ZNF670: variants seen among roughly 807,000 people sequenced by gnomAD.
ZNF670 encodes the protein zinc finger protein 670.
ZNF670 carries 7 observed loss-of-function variants against 10.9 expected under a neutral mutation model. That is an observed-to-expected ratio of 0.64 (90% CI 0.36 to 1.20). The LOEUF (loss-of-function observed/expected upper bound fraction) is 1.20, where lower values mean the gene tolerates loss of function less well. Among genes scored for constraint, ZNF670 ranks in the 50% most tolerant of loss-of-function variants. The pLI, the probability that ZNF670 is intolerant of heterozygous loss-of-function variation, is 0.02. For missense variants in ZNF670, 446 were observed against 458.6 expected (o/e 0.97, Z 0.25); for synonymous variants, 136 against 152.7 (o/e 0.89, Z 0.81).
chr1:247,056,131 AT>A (rs1438176966), intron 1 of ZNF670, among the ~76,000 whole-genome samples: 1 of 149,020 alleles, frequency 6.7e-6, no homozygotes. Flanking sequence ...AAAAAAAAAA[AT>A]CAATAATGAA....
intron 1 of ZNF670, among the ~76,000 whole-genome samples, chr1:247,060,804 G>A (rs1417436717): frequency 6.6e-6 from 1 of 152,092 alleles, no homozygotes; most frequent in East Asian, 1.9e-4. Context: ...AAGCTATGAA[G>A]AAAGGAAAAT....
At chr1:247,072,812 ATATATATATATATATATATATATATATG>A (rs1257625229) in intron 1 of ZNF670, among the ~76,000 whole-genome samples, 2,262 of 50,530 alleles carry the variant, frequency 0.045, 211 homozygotes, top group African/African-American at 0.2. Context: ...GTGTATATAT[ATATATATATATATATATATATATATATG>A]CATACACACA....
chr1:247,042,238 T>G (rs1670328252), intron 1 of ZNF670, among the ~76,000 whole-genome samples: 1 of 152,226 alleles, frequency 6.6e-6, no homozygotes, highest in Non-Finnish European at 1.5e-5. Context: ...CAGCTCACAG[T>G]GCTAGTTGCT....
At chr1:247,064,153 G>T (rs1014740288) in intron 1 of ZNF670, among the ~76,000 whole-genome samples, 3 of 152,162 alleles carry the variant, frequency 2.0e-5, no homozygotes, top group Non-Finnish European at 4.4e-5. Flanking sequence ...AGAATGTCAC[G>T]GGTGTCCCTG....
At chr1:247,056,101 A>C in intron 1 of ZNF670, among the ~76,000 whole-genome samples, 1 of 142,308 alleles carries the variant, frequency 7.0e-6, no homozygotes, top group African/African-American at 2.7e-5. Context: ...TTAGCATTAG[A>C]CAATCTTACA....
intron 1 of ZNF670, among the ~76,000 whole-genome samples, chr1:247,047,673 C>T (rs960881601): frequency 2.6e-5 from 4 of 152,232 alleles, no homozygotes; most frequent in Non-Finnish European, 5.9e-5. Context: ...CCGGGCATTT[C>T]CACACATCCT....
In ZNF670 at chr1:247,037,334, G is replaced by T; in HGVS notation, c.*115C>A. ...CATTCTAATCTTCCTTACATGTGTT[G>T]GGTTTCTCTCTAATTTGAGTTTTTA... On this transcript the variant is annotated 3_prime_UTR_variant, in exon 4 of 4. Transcript: ENST00000366503. 1 of 1,261,612 alleles carries T rather than the reference G, an allele frequency of 7.9e-7. No individual in the cohort carries two copies. The highest frequency in any genetic ancestry group is 1.1e-6 in the Non-Finnish European group (1 of 935,268). The allele number at this position is 1,261,612 out of a possible 1,614,324, so 78.2% of individuals were successfully genotyped here.
At chr1:247,072,723 G>A (rs1408590527) in intron 1 of ZNF670, among the ~76,000 whole-genome samples, 1 of 148,400 alleles carries the variant, frequency 6.7e-6, no homozygotes, top group Non-Finnish European at 1.5e-5. Context: ...GGAGTCGGAG[G>A]TTGTGGTGAG....
intron 1 of ZNF670, among the ~76,000 whole-genome samples, chr1:247,063,883 G>A (rs12060791): frequency 0.33 from 49,894 of 152,096 alleles, 9,029 homozygotes; most frequent in African/African-American, 0.47. Context: ...GAGGGCCTTG[G>A]GCCAGAGCAA....
At chr1:247,050,604 T>G (rs1319808590) in intron 1 of ZNF670, among the ~76,000 whole-genome samples, 1 of 151,900 alleles carries the variant, frequency 6.6e-6, no homozygotes, top group Non-Finnish European at 1.5e-5. Flanking sequence ...GCCACCCGAA[T>G]AGCTGGGACT....
At chr1:247,077,880 A>G (rs988128019) in intron 1 of ZNF670, among the ~76,000 whole-genome samples, 4 of 152,216 alleles carry the variant, frequency 2.6e-5, no homozygotes, top group African/African-American at 9.6e-5. Context: ...CCAAGACTCC[A>G]TCATACACAT....
chr1:247,066,873 T>A (rs1447788207), intron 1 of ZNF670, among the ~76,000 whole-genome samples: 1 of 152,202 alleles, frequency 6.6e-6, no homozygotes, highest in Non-Finnish European at 1.5e-5. Flanking sequence ...AGACATTCCT[T>A]TCTGTTGATA....
In ZNF670 at chr1:247,036,309, G is replaced by A. The variant is rs759156143; in HGVS notation, c.*1140C>T. ...ATGGTGAGACTGAATGCTTTCACAC[G>A]CAGATTAGACAAGCATACTGTCCAA... On this transcript the variant is annotated 3_prime_UTR_variant, in exon 4 of 4. Coordinates refer to ENST00000366503, the MANE Select transcript of ZNF670 (RefSeq NM_033213.5). Among the ~76,000 whole-genome samples the A allele has an allele frequency of 3.3e-5, 5 of 152,060 alleles. No individual in the cohort carries two copies. The highest frequency in any genetic ancestry group is 1.2e-4 in the African/African-American group (5 of 41,388).
At chr1:247,064,629 A>C (rs1391472219) in intron 1 of ZNF670, among the ~76,000 whole-genome samples, 1 of 151,812 alleles carries the variant, frequency 6.6e-6, no homozygotes, top group Non-Finnish European at 1.5e-5. Context: ...GAAATTATAG[A>C]CTCATTGTCT....
At chr1:247,060,581 T>A (rs985283597) in intron 1 of ZNF670, among the ~76,000 whole-genome samples, 1 of 152,188 alleles carries the variant, frequency 6.6e-6, no homozygotes, top group Non-Finnish European at 1.5e-5. Flanking sequence ...ATGGAAAACA[T>A]AATCCATGAA....
chr1:247,078,375 T>G (rs906546429), intron 1 of ZNF670, among the ~76,000 whole-genome samples: 1 of 152,188 alleles, frequency 6.6e-6, no homozygotes, highest in African/African-American at 2.4e-5. Context: ...GAGGCAGAGC[T>G]GCCCAGAAAG....
intron 1 of ZNF670, among the ~76,000 whole-genome samples, chr1:247,058,720 A>AAC (rs1209820697): frequency 6.1e-4 from 92 of 151,894 alleles, no homozygotes; most frequent in Admixed American, 3.3e-3. Flanking sequence ...AAAAAAAAAA[A>AAC]AAAAAACCAC....
chr1:247,051,540 C>A (rs184518495), intron 1 of ZNF670, among the ~76,000 whole-genome samples: 1 of 152,254 alleles, frequency 6.6e-6, no homozygotes, highest in East Asian at 1.9e-4. Flanking sequence ...CCTCACAGCT[C>A]TTCAGATTCT....
At chr1:247,059,224 G>A (rs1267372498) in intron 1 of ZNF670, among the ~76,000 whole-genome samples, 2 of 151,934 alleles carry the variant, frequency 1.3e-5, no homozygotes, top group Non-Finnish European at 2.9e-5. Flanking sequence ...GGCGGATCAT[G>A]AGGTCAGGAG....
Sources: gnomAD v4.1 joint callset for allele counts (sites outside exome capture counted in the v4.1 genomes callset) on GRCh38, gnomAD v4.1.1 for gene constraint, MANE v1.5 for transcripts, NCBI Gene and HGNC (gene_info 2026-07-23, HGNC 2026-07-21) for gene names.